HIVEP3: variants seen among roughly 807,000 people sequenced by gnomAD.
HIVEP3 encodes HIVEP zinc finger 3.
In HIVEP3, 49 loss-of-function variants were observed where a neutral mutation model predicts 152.8. The observed-to-expected ratio is 0.32, with a 90% CI of 0.26 to 0.41. The LOEUF (loss-of-function observed/expected upper bound fraction) is 0.41, where lower values mean the gene tolerates loss of function less well. Ranked by LOEUF, HIVEP3 falls within the 10% of genes least tolerant of loss-of-function variation. The pLI, the probability that HIVEP3 is intolerant of heterozygous loss-of-function variation, is 1.00. For synonymous variants in HIVEP3, 1,269 were observed against 1,289.0 expected, an observed-to-expected ratio of 0.98 and a Z score of 0.33; for missense variants, 2,790 against 3,103.3, an observed-to-expected ratio of 0.90 and a Z score of 2.40.
chr1:41,784,759 T>G (rs7517477), intron 1 of HIVEP3, among the ~76,000 whole-genome samples: 5,685 of 152,334 alleles, frequency 0.037, 347 homozygotes, highest in African/African-American at 0.13. Flanking sequence ...TATTGTAGTC[T>G]TCTTACAACC....
chr1:41,730,069 G>A (rs925850311), intron 1 of HIVEP3, among the ~76,000 whole-genome samples: 2 of 152,224 alleles, frequency 1.3e-5, no homozygotes, highest in African/African-American at 2.4e-5. Flanking sequence ...CTTAGGAAAC[G>A]TGACTGCAGA....
chr1:41,532,870 A>G (rs1170006444), intron 5 of HIVEP3, among the ~76,000 whole-genome samples: 1 of 152,174 alleles, frequency 6.6e-6, no homozygotes, highest in Non-Finnish European at 1.5e-5. Context: ...ACCCCACAAG[A>G]CAGAAGAGGG....
intron 1 of HIVEP3, among the ~76,000 whole-genome samples, chr1:41,862,160 C>T (rs1396264687): frequency 2.0e-5 from 3 of 152,158 alleles, no homozygotes; most frequent in South Asian, 2.1e-4. Flanking sequence ...CACGAGGCTA[C>T]GGACAATGCT....
chr1:41,531,614 G>T (rs1454707887), intron 5 of HIVEP3, among the ~76,000 whole-genome samples: 1 of 52,808 alleles, frequency 1.9e-5, no homozygotes, highest in African/African-American at 6.8e-5. Flanking sequence ...GGAGATGGAG[G>T]ACAGGAGAGA....
At chr1:41,854,116 C>T (rs1350524683) in intron 1 of HIVEP3, among the ~76,000 whole-genome samples, 3 of 151,870 alleles carry the variant, frequency 2.0e-5, no homozygotes, top group Non-Finnish European at 4.4e-5. Context: ...TTTCTCTCTC[C>T]CTCTCTCTCT....
chr1:41,822,949 G>T (rs78431986), intron 1 of HIVEP3, among the ~76,000 whole-genome samples: 1 of 152,108 alleles, frequency 6.6e-6, no homozygotes, highest in African/African-American at 2.4e-5. Context: ...GGACTGAATT[G>T]TCTGCCCCAC....
chr1:41,572,878 C>G (rs1644271374), intron 5 of HIVEP3, among the ~76,000 whole-genome samples: 1 of 152,172 alleles, frequency 6.6e-6, no homozygotes, highest in African/African-American at 2.4e-5. Flanking sequence ...GTATGTTAAA[C>G]CAATTTGAAT....
chr1:41,654,559 A>T (rs1181340880), intron 2 of HIVEP3, among the ~76,000 whole-genome samples: 1 of 152,246 alleles, frequency 6.6e-6, no homozygotes, highest in African/African-American at 2.4e-5. Context: ...GTTTCCTTCC[A>T]TGTGAACATC....
intron 1 of HIVEP3, among the ~76,000 whole-genome samples, chr1:41,962,815 G>C (rs1645176073): frequency 6.6e-6 from 1 of 152,214 alleles, no homozygotes; most frequent in Admixed American, 6.5e-5. Flanking sequence ...CCTAGAGGTT[G>C]AGGTACACAA....
At position 41,773,010 on chromosome 1, in the gene HIVEP3, C is replaced by A. The variant is rs184578876; in HGVS notation, c.-800-72015G>T. Reference sequence around the variant, plus strand: ...GCACTGCATATGCCCCACAGATTGACCCATTTTATGGAGTTTACAGGAAAC... The same window carrying A: ...GCACTGCATATGCCCCACAGATTGAACCATTTTATGGAGTTTACAGGAAAC... On this transcript the variant is annotated intron_variant, in intron 1 of 8. Coordinates refer to ENST00000372583, the MANE Select transcript of HIVEP3 (RefSeq NM_024503.5). Among the ~76,000 whole-genome samples, 222 of 152,312 alleles carry A rather than the reference C, an allele frequency of 1.5e-3. 1 individual carries two copies. Among genetic ancestry groups the A allele is most frequent in the South Asian group, 3.3e-3 (16 of 4,828 alleles).
At chr1:41,900,160 G>A (rs907963654) in intron 1 of HIVEP3, among the ~76,000 whole-genome samples, 1 of 152,196 alleles carries the variant, frequency 6.6e-6, no homozygotes, top group African/African-American at 2.4e-5. Context: ...AGGGTTTCCT[G>A]GCCAGCAATT....
chr1:41,732,674 G>A (rs1570419171), intron 1 of HIVEP3, among the ~76,000 whole-genome samples: 1 of 152,010 alleles, frequency 6.6e-6, no homozygotes, highest in African/African-American at 2.4e-5. Flanking sequence ...CTCTGTGCCT[G>A]GGCTGACCAA....
rs747077205 is a variant in HIVEP3, at chr1:42,025,543, G to A, written n.119+10264C>T. On this transcript the variant is annotated intron_variant and non_coding_transcript_variant, in intron 1 of 3. Coordinates refer to the HIVEP3 transcript ENST00000489103. ...CTATTCATTGCTTCTGTTGTTTCTC[G>A]CATCACATTTTGTTTCCCTGTACGC... 3.0e-4 allele frequency among the ~76,000 whole-genome samples: 46 copies of A among 151,998 alleles called. 1 individual carries two copies. The highest frequency in any genetic ancestry group is 7.9e-4 in the Admixed American group (12 of 15,252).
intron 1 of HIVEP3, among the ~76,000 whole-genome samples, chr1:41,904,545 C>T (rs1371731211): frequency 6.6e-6 from 1 of 152,178 alleles, no homozygotes; most frequent in Admixed American, 6.5e-5. Context: ...CCATGCTTTA[C>T]ACAGAGTGCG....
At chr1:41,728,448 G>A (rs1310628012) in intron 1 of HIVEP3, among the ~76,000 whole-genome samples, 2 of 152,046 alleles carry the variant, frequency 1.3e-5, no homozygotes, top group Non-Finnish European at 2.9e-5. Flanking sequence ...GGGATGCGGG[G>A]CTGGTTCTGC....
At position 41,582,894 on chromosome 1, in the gene HIVEP3, C is replaced by A. The variant is rs975895105; in HGVS notation, c.1904G>T (p.Gly635Val). 1.2e-6 allele frequency: 2 copies of A among 1,614,054 alleles called. No individual in the cohort carries two copies. The highest frequency in any genetic ancestry group is 1.7e-6 in the Non-Finnish European group (2 of 1,180,058). ...ESELTKKTKK[G>V]LKTKGVIYEC... ...GTAGATCACCCCTTTTGTTTTCAAA[C>A]CCTTCTTGGTCTTTTTGGTAAGCTC... Residue 635 changes from glycine to valine, a missense_variant, in exon 4 of 9, where the codon GGT becomes GTT. Physicochemically the swap from Gly to Val is moderately radical, Grantham distance 109. Transcript: ENST00000372583. This position sits in a 1 kb window ranked among gnomAD's most constrained non-coding sequence, Gnocchi z 4.7.
intron 1 of HIVEP3, among the ~76,000 whole-genome samples, chr1:42,003,000 GGTTT>G (rs1176548945): frequency 6.6e-6 from 1 of 151,806 alleles, no homozygotes; most frequent in Non-Finnish European, 1.5e-5. Context: ...GAGATTTCTG[GGTTT>G]TTTTTGTTCT....
chr1:41,618,413 G>A (rs576049961), intron 3 of HIVEP3, among the ~76,000 whole-genome samples: 1 of 152,350 alleles, frequency 6.6e-6, no homozygotes, highest in South Asian at 2.1e-4. Flanking sequence ...CTCGGGCCCT[G>A]AACCTGCTGG....
At chr1:41,770,926 A>G (rs1475732519) in intron 1 of HIVEP3, among the ~76,000 whole-genome samples, 1 of 152,194 alleles carries the variant, frequency 6.6e-6, no homozygotes, top group Non-Finnish European at 1.5e-5. Context: ...AAGGTACACC[A>G]GAACTCTCTA....
Sources: allele counts gnomAD v4.1 joint callset (sites outside exome capture counted in the v4.1 genomes callset), GRCh38; gene constraint gnomAD v4.1.1; non-coding constraint Gnocchi (gnomAD v3.1); transcripts MANE v1.5; gene names NCBI Gene and HGNC (gene_info 2026-07-23, HGNC 2026-07-21).